Variants in ELF2 observed in about 807,000 individuals in gnomAD.
ELF2 encodes ETS-related transcription factor Elf-2.
Under a neutral mutation model 54.8 loss-of-function variants are expected in ELF2, and 11 were observed. The observed-to-expected ratio is 0.20, with a 90% CI of 0.13 to 0.33. ELF2 has a LOEUF of 0.33. Among genes scored for constraint, ELF2 ranks in the 10% least tolerant of loss-of-function variants. The pLI, the probability that ELF2 is intolerant of heterozygous loss-of-function variation, is 1.00. For missense variants in ELF2, 513 were observed against 703.0 expected, an observed-to-expected ratio of 0.73 and a Z score of 3.06; for synonymous variants, 203 against 245.1, an observed-to-expected ratio of 0.83 and a Z score of 1.61.
chr4:139,067,526 C>T, intron 7 of ELF2, 158 bp downstream of exon 7: 1 of 652,396 alleles, frequency 1.5e-6, no homozygotes, highest in Non-Finnish European at 2.5e-6. Flanking sequence ...TTTGAAAAAG[C>T]TCCCCACGTG....
intron 4 of ELF2, among the ~76,000 whole-genome samples, chr4:139,097,782 G>A (rs1733442582): frequency 6.6e-6 from 1 of 151,868 alleles, no homozygotes; most frequent in South Asian, 2.1e-4. Context: ...CTTACATCAT[G>A]ACAAAATATT....
chr4:139,092,408 ATAACATACATAACAT>A (rs1253244296), intron 4 of ELF2, among the ~76,000 whole-genome samples: 10 of 68,828 alleles, frequency 1.5e-4, no homozygotes, highest in South Asian at 6.0e-4. Flanking sequence ...ATAACATAAC[ATAACATACATAACAT>A]AACATAACAT....
intron 4 of ELF2, among the ~76,000 whole-genome samples, chr4:139,103,997 C>T (rs2148793106): frequency 6.6e-6 from 1 of 152,266 alleles, no homozygotes; most frequent in Admixed American, 6.5e-5. Context: ...AGTAATTGCT[C>T]ATTCCCTTCA....
At chr4:139,072,274 G>A (rs1291172935) in intron 5 of ELF2, 4 of 424,496 alleles carry the variant, frequency 9.4e-6, no homozygotes, top group African/African-American at 2.1e-5. Context: ...GTAAGGCAAG[G>A]ATCATGAGTA....
intron 7 of ELF2, chr4:139,067,462 A>C: frequency 2.0e-6 from 1 of 489,806 alleles, no homozygotes; most frequent in Non-Finnish European, 3.7e-6. Flanking sequence ...TATATCCCCC[A>C]TGATACAACT....
At chr4:139,172,441 T>C (rs1742404629) in intron 1 of ELF2, among the ~76,000 whole-genome samples, 1 of 152,182 alleles carries the variant, frequency 6.6e-6, no homozygotes. Context: ...ATCCACCATA[T>C]TCACGCTGTC....
chr4:139,110,951 T>C (rs1734889077), intron 4 of ELF2, among the ~76,000 whole-genome samples: 1 of 152,188 alleles, frequency 6.6e-6, no homozygotes, highest in South Asian at 2.1e-4. Context: ...GAACATAAGA[T>C]GTATTTAAAT....
intron 3 of ELF2, among the ~76,000 whole-genome samples, chr4:139,135,424 C>T (rs1283220923): frequency 6.6e-6 from 1 of 151,868 alleles, no homozygotes; most frequent in Non-Finnish European, 1.5e-5. Context: ...ATTCTCTTCC[C>T]CTAGATATTT....
At chr4:139,173,864 G>A (rs1742605236) in intron 1 of ELF2, among the ~76,000 whole-genome samples, 1 of 151,730 alleles carries the variant, frequency 6.6e-6, no homozygotes, top group Admixed American at 6.6e-5. Context: ...AAAGAGAGAG[G>A]ATTGCTCAAG....
intron 4 of ELF2, chr4:139,084,436 A>G (rs976279177): frequency 2.7e-5 from 29 of 1,091,482 alleles, no homozygotes; most frequent in South Asian, 1.2e-4. Context: ...CGGCAGGGGC[A>G]GGGGCGGCGG....
intron 3 of ELF2, among the ~76,000 whole-genome samples, chr4:139,134,538 T>TATTGTATTGTATTGTATTGC (rs1737893821): frequency 6.8e-6 from 1 of 147,938 alleles, no homozygotes; most frequent in African/African-American, 2.4e-5. Flanking sequence ...TATTGTATTG[T>TATTGTATTGTATTGTATTGC]ATTGTATTGT....
At chr4:139,062,110 ATAAT>A (rs753376183) in intron 7 of ELF2, 53 bp from the exon 8 acceptor site, 6 of 1,495,850 alleles carry the variant, frequency 4.0e-6, no homozygotes, top group African/African-American at 1.4e-5. Flanking sequence ...AATTAAATAC[ATAAT>A]TAAAAGCAAA....
intron 4 of ELF2, among the ~76,000 whole-genome samples, chr4:139,084,672 TC>T (rs1438101179): frequency 6.6e-6 from 1 of 151,974 alleles, no homozygotes; most frequent in Admixed American, 6.5e-5. Flanking sequence ...TCTGCAATTG[TC>T]CCCCCTCTGG....
chr4:139,070,035 TCTCA>T (rs1324667581), intron 6 of ELF2, among the ~76,000 whole-genome samples: 5 of 150,868 alleles, frequency 3.3e-5, no homozygotes, highest in African/African-American at 1.2e-4. Context: ...CGAGATGAGG[TCTCA>T]CTATGTTGGC....
chr4:139,086,054 T>C (rs1731941617), intron 4 of ELF2, among the ~76,000 whole-genome samples: 1 of 152,160 alleles, frequency 6.6e-6, no homozygotes, highest in African/African-American at 2.4e-5. Context: ...AATTTAGAAG[T>C]TATAAAAAAA....
intron 1 of ELF2, among the ~76,000 whole-genome samples, chr4:139,166,087 C>T (rs1741691849): frequency 6.6e-6 from 1 of 152,156 alleles, no homozygotes; most frequent in Non-Finnish European, 1.5e-5. Context: ...CCTGTAATCC[C>T]AGCACTTTGG....
chr4:139,060,533 A>T lies in ELF2; in HGVS notation c.948T>A (p.Asp316Glu), dbSNP rs1191343985. The change falls in exon 9 of 10, where the codon GAT becomes GAA. Residue 316 changes from aspartate (D) to glutamate (E), a missense_variant. This residue lies in a region of ELF2 where 291 missense variants were observed against 366.1 expected (regional missense o/e 0.79). Coordinates refer to ENST00000686138, the MANE Select transcript of ELF2 (RefSeq NM_001331036.3). ...TCNEDLAGTT[D>E]EKSLERVSLS... ...GTGACACTCGTTCTAATGATTTTTC[A>T]TCAGTAGTTCCTGCTAAATCTTCAT... is the stretch of plus-strand genomic sequence containing the variant. 1.2e-6 allele frequency: 2 copies of T among 1,614,184 alleles called. No individual in the cohort carries two copies. Among genetic ancestry groups the T allele is most frequent in the Admixed American group, 1.7e-5 (1 of 60,024 alleles).
At chr4:139,099,454 A>T (rs1733643193) in intron 4 of ELF2, among the ~76,000 whole-genome samples, 1 of 152,224 alleles carries the variant, frequency 6.6e-6, no homozygotes, top group South Asian at 2.1e-4. Flanking sequence ...GAGCACAAAT[A>T]TAAATATAGT....
chr4:139,072,148 G>A, intron 5 of ELF2, 109 bp from the exon 6 acceptor site: 2 of 1,081,064 alleles, frequency 1.9e-6, no homozygotes, highest in South Asian at 1.5e-5. Flanking sequence ...AATCAAAGCA[G>A]GATAAGAGCT....
Sources: gnomAD v4.1 joint callset for allele counts (sites outside exome capture counted in the v4.1 genomes callset) on GRCh38, gnomAD v4.1.1 for gene constraint, gnomAD v4.1.1 regional missense constraint, MANE v1.5 for transcripts, NCBI Gene and HGNC (gene_info 2026-07-23, HGNC 2026-07-21) for gene names.